Variants in TDRD15 observed in about 807,000 individuals in gnomAD.
The protein encoded by TDRD15 is tudor domain-containing protein 15.
For synonymous variants in TDRD15, 503 were observed against 314.5 expected (o/e 1.60, Z -6.34); for missense variants, 1,416 against 904.7 (o/e 1.57, Z -7.25).
In TDRD15 at chr2:21,139,962, T is replaced by A. The variant is rs1284516794; in HGVS notation, c.2495T>A (p.Phe832Tyr). 1.1e-5 allele frequency: 8 copies of A among 715,882 alleles called. No individual in the cohort carries two copies. In the East Asian group the frequency reaches 2.1e-4, roughly 19 times the overall value. 44.3% of individuals were successfully genotyped at this position (715,882 alleles called of 1,614,324 possible). A position where few individuals can be genotyped will look rare whatever the true frequency, so the allele number is the denominator to read the frequency against. ...TQVSKEVDIV[F>Y]VDYGYQKRVL... ...GTATCAAAAGAAGTTGACATAGTGTTTGTTGATTATGGTTACCAAAAAAGG... is the reference window on the plus strand; with the variant it reads ...GTATCAAAAGAAGTTGACATAGTGTATGTTGATTATGGTTACCAAAAAAGG... Residue 832 changes from phenylalanine to tyrosine, a missense_variant, in exon 4 of 4, where the codon TTT becomes TAT. Physicochemically the swap from Phe to Tyr is conservative, Grantham distance 22. Coordinates refer to ENST00000405799, the MANE Select transcript of TDRD15 (RefSeq NM_001306137.2).
rs1430661922 is a variant in TDRD15 at position 21,139,553 on chromosome 2, A to G, written c.2086A>G (p.Ile696Val). 1.4e-6 allele frequency: 1 copy of G among 706,254 alleles called. No individual in the cohort carries two copies. Among genetic ancestry groups the G allele is most frequent in the Non-Finnish European group, 2.6e-6 (1 of 381,806 alleles). The allele number at this position is 706,254 out of a possible 1,614,324, so 43.7% of individuals were successfully genotyped here. The stretch of plus-strand genomic sequence containing the variant: ...AAACAAAGTTAATATTAAAAAAGTC[A>G]TATCTGCCCTTCTTGAAGGACCTAA... The part of the protein sequence containing the change: ...SKNKVNIKKV[I>V]SALLEGPKSK... Residue 696 changes from isoleucine to valine, a missense_variant, in exon 4 of 4, where the codon ATA becomes GTA. Ile to Val is a conservative substitution (Grantham distance 29). Coordinates refer to ENST00000405799, the MANE Select transcript of TDRD15 (RefSeq NM_001306137.2).
chr2:21,139,860 A>G lies in TDRD15; in HGVS notation c.2393A>G (p.Asp798Gly), dbSNP rs1202536833. The G allele has an allele frequency of 1.4e-6, 1 of 715,888 alleles. No individual in the cohort carries two copies. The highest frequency in any genetic ancestry group is 2.7e-5 in the East Asian group (1 of 37,248). 44.3% of individuals were successfully genotyped at this position (715,888 alleles called of 1,614,324 possible). ...QIQNYYSIHS[D>G]PYEIGQTACV... The stretch of plus-strand genomic sequence containing the variant: ...CAGAATTACTATAGTATTCATTCTG[A>G]TCCTTATGAGATTGGGCAGACTGCT... The change falls in exon 4 of 4, where the codon GAT becomes GGT. Residue 798 changes from aspartate to glycine, a missense_variant. By Grantham distance (94) the Asp-to-Gly change is moderately conservative. Coordinates refer to ENST00000405799, the MANE Select transcript of TDRD15 (RefSeq NM_001306137.2).
At chr2:21,135,465 C>T (rs1183878165) in intron 3 of TDRD15, among the ~76,000 whole-genome samples, 1 of 151,774 alleles carries the variant, frequency 6.6e-6, no homozygotes, top group Non-Finnish European at 1.5e-5. Context: ...CTAAAATTTT[C>T]CTATGTGCCA....
Position 21,141,081 on chromosome 2 carries a change from A to G in TDRD15, c.3614A>G (p.His1205Arg), listed in dbSNP as rs1396270543. The change falls in exon 4 of 4, where the codon CAT becomes CGT. Residue 1205 changes from histidine to arginine, a missense_variant. By Grantham distance (29) the His-to-Arg change is conservative. Transcript: ENST00000405799. ...IDQLMHPKNIHARFLKPSVCY... is the reference protein window; with the variant it reads ...IDQLMHPKNIRARFLKPSVCY... ...CAATTGATGCATCCCAAAAATATACATGCCAGGTTTTTGAAGCCATCAGTT... is the reference window on the plus strand; with the variant it reads ...CAATTGATGCATCCCAAAAATATACGTGCCAGGTTTTTGAAGCCATCAGTT... 1 of 704,690 alleles carries G rather than the reference A, an allele frequency of 1.4e-6. No homozygotes were observed. Among genetic ancestry groups the G allele is most frequent in the Non-Finnish European group, 2.6e-6 (1 of 381,292 alleles). 43.7% of individuals were successfully genotyped at this position (704,690 alleles called of 1,614,324 possible).
chr2:21,130,784 A>C (rs1203358823), intron 2 of TDRD15, among the ~76,000 whole-genome samples: 1 of 152,212 alleles, frequency 6.6e-6, no homozygotes, highest in East Asian at 1.9e-4. Flanking sequence ...GCACCAAACT[A>C]TTGGTAGTCA....
At chr2:21,127,493 T>G (rs1297396941) in intron 1 of TDRD15, 108 bp from the exon 2 acceptor site, 1 of 152,206 alleles carries the variant, frequency 6.6e-6, no homozygotes, top group East Asian at 1.9e-4. Context: ...ATATGGTCAG[T>G]TTTTTTCCCT....
intron 1 of TDRD15, among the ~76,000 whole-genome samples, chr2:21,125,576 G>A (rs1437985594): frequency 6.6e-6 from 1 of 151,884 alleles, no homozygotes; most frequent in Admixed American, 6.6e-5. Context: ...GTGTTTTTCC[G>A]AAGAAATTTA....
rs769065206 is a variant in TDRD15 at position 21,141,390 on chromosome 2, C to T, written c.3923C>T (p.Ala1308Val). The T allele has an allele frequency of 2.0e-5, 14 of 712,960 alleles. No homozygotes were observed. Among genetic ancestry groups the T allele is most frequent in the South Asian group, 1.2e-4 (8 of 66,752 alleles). The allele number at this position is 712,960 out of a possible 1,614,324, so 44.2% of individuals were successfully genotyped here. Reference protein sequence around the residue: ...KGYVSNISNPANFHIQLAENE... With the variant: ...KGYVSNISNPVNFHIQLAENE... ...TATGTATCTAATATCAGTAATCCAGCGAATTTCCATATTCAGCTTGCTGAG... is the reference window on the plus strand; with the variant it reads ...TATGTATCTAATATCAGTAATCCAGTGAATTTCCATATTCAGCTTGCTGAG... Residue 1308 changes from alanine (A) to valine (V), a missense_variant, in exon 4 of 4, where the codon GCG becomes GTG. Coordinates refer to ENST00000405799, the MANE Select transcript of TDRD15 (RefSeq NM_001306137.2).
At chr2:21,146,354 G>C (rs1262547749), downstream of TDRD15, among the ~76,000 whole-genome samples, 1 of 152,010 alleles carries the variant, frequency 6.6e-6, no homozygotes, top group Non-Finnish European at 1.5e-5. Context: ...TTTACATTTA[G>C]AAAATTGGCT....
At position 21,139,948 on chromosome 2, in the gene TDRD15, A is replaced by T. The variant is rs1013225527; in HGVS notation, c.2481A>T (p.Glu827Asp). 1 of 716,054 alleles carries T rather than the reference A, an allele frequency of 1.4e-6. No homozygotes were observed. Among genetic ancestry groups the T allele is most frequent in the Non-Finnish European group, 2.6e-6 (1 of 384,106 alleles). The allele number at this position is 716,054 out of a possible 1,614,324, so 44.4% of individuals were successfully genotyped here. Reference sequence around the variant, plus strand: ...CTGTTTTGACTCAAGTATCAAAAGAAGTTGACATAGTGTTTGTTGATTATG... The same window carrying T: ...CTGTTTTGACTCAAGTATCAAAAGATGTTGACATAGTGTTTGTTGATTATG... ...RAAVLTQVSK[E>D]VDIVFVDYGY... The change falls in exon 4 of 4, where the codon GAA becomes GAT. Residue 827 changes from glutamate (E) to aspartate (D), a missense_variant. Physicochemically the swap from Glu to Asp is conservative, Grantham distance 45 (BLOSUM62 2). Coordinates refer to ENST00000405799, the MANE Select transcript of TDRD15 (RefSeq NM_001306137.2).
At position 21,142,937 on chromosome 2, in the gene TDRD15, C is replaced by G. The variant is rs551554757; in HGVS notation, c.5470C>G (p.Arg1824Gly). 2 of 698,986 alleles carry G rather than the reference C, an allele frequency of 2.9e-6. No individual in the cohort carries two copies. Among genetic ancestry groups the G allele is most frequent in the South Asian group, 3.2e-5 (2 of 63,292 alleles). 43.3% of individuals were successfully genotyped at this position (698,986 alleles called of 1,614,324 possible). A position where few individuals can be genotyped will look rare whatever the true frequency, so the allele number is the denominator to read the frequency against. The stretch of plus-strand genomic sequence containing the variant: ...TGACTATGGATTTTCTTTTTATATA[C>G]GTTATTCAGAAATTATAAATCTTAA... ...LVDYGFSFYI[R>G]YSEIINLKVV... The change falls in exon 4 of 4, where the codon CGT becomes GGT. Residue 1824 changes from arginine (R) to glycine (G), a missense_variant. Physicochemically the swap from Arg to Gly is moderately radical, Grantham distance 125. Coordinates refer to ENST00000405799, the MANE Select transcript of TDRD15 (RefSeq NM_001306137.2).
chr2:21,140,778 G>A lies in TDRD15; in HGVS notation c.3311G>A (p.Gly1104Glu). 1 of 715,176 alleles carries A rather than the reference G, an allele frequency of 1.4e-6. No individual in the cohort carries two copies. The highest frequency in any genetic ancestry group is 2.6e-6 in the Non-Finnish European group (1 of 383,586). 44.3% of individuals were successfully genotyped at this position (715,176 alleles called of 1,614,324 possible). A position where few individuals can be genotyped will look rare whatever the true frequency, so the allele number is the denominator to read the frequency against. ...ISSWFKDNFLGRSLKAIILSQ... is the reference protein window; with the variant it reads ...ISSWFKDNFLERSLKAIILSQ... ...AGTTGGTTTAAAGACAATTTCTTGGGAAGATCATTAAAGGCGATAATATTG... is the reference window on the plus strand; with the variant it reads ...AGTTGGTTTAAAGACAATTTCTTGGAAAGATCATTAAAGGCGATAATATTG... The change falls in exon 4 of 4, where the codon GGA (glycine) becomes GAA (glutamate). Residue 1104 changes from glycine (G) to glutamate (E), a missense_variant. Coordinates refer to ENST00000405799, the MANE Select transcript of TDRD15 (RefSeq NM_001306137.2).
In TDRD15 at chr2:21,143,972, A is replaced by G. The variant is rs1208681897; in HGVS notation, c.*700A>G. 1.3e-5 allele frequency among the ~76,000 whole-genome samples: 2 copies of G among 151,380 alleles called. No individual in the cohort carries two copies. The highest frequency in any genetic ancestry group is 3.0e-5 in the Non-Finnish European group (2 of 67,628). On this transcript the variant is annotated 3_prime_UTR_variant, in exon 4 of 4. Coordinates refer to ENST00000405799, the MANE Select transcript of TDRD15 (RefSeq NM_001306137.2). ...CAAATAATTTCAAGGGTTTCATAAA[A>G]CTCCTAAATGTCTGTAGATCTCATG...
rs1426607881 is a variant in TDRD15 at position 21,137,528 on chromosome 2, A to G, written c.61A>G (p.Lys21Glu). Residue 21 changes from lysine to glutamate, a missense_variant, in exon 4 of 4, where the codon AAA becomes GAA. Lys to Glu is a moderately conservative substitution (Grantham distance 56). Transcript: ENST00000405799. Reference sequence around the variant, plus strand: ...TGTGGATCTGACAATATCACATATTAAATGTCTTCCCAAGGATATTCTGGT... The same window carrying G: ...TGTGGATCTGACAATATCACATATTGAATGTCTTCCCAAGGATATTCTGGT... The part of the protein sequence containing the change: ...LDVDLTISHI[K>E]CLPKDILVKF... 7.1e-6 allele frequency: 5 copies of G among 705,248 alleles called. No homozygotes were observed. The highest frequency in any genetic ancestry group is 2.1e-5 in the Admixed American group (1 of 47,010). The allele number at this position is 705,248 out of a possible 1,614,324, so 43.7% of individuals were successfully genotyped here. A position where few individuals can be genotyped will look rare whatever the true frequency, so the allele number is the denominator to read the frequency against.
At position 21,137,648 on chromosome 2, in the gene TDRD15, G is replaced by A. The variant is rs1446294164; in HGVS notation, c.181G>A (p.Glu61Lys). Residue 61 changes from glutamate (E) to lysine (K), a missense_variant, in exon 4 of 4, where the codon GAA (glutamate) becomes AAA (lysine). By Grantham distance (56) the Glu-to-Lys change is moderately conservative. Coordinates refer to ENST00000405799, the MANE Select transcript of TDRD15 (RefSeq NM_001306137.2). ...TACTCCAAAAGTGAAAAATAATGTG[G>A]AAATTGATGAATTTTGTTTGGTGGA... ...QHTPKVKNNV[E>K]IDEFCLVEER... 1 of 713,038 alleles carries A rather than the reference G, an allele frequency of 1.4e-6. No individual in the cohort carries two copies. Among genetic ancestry groups the A allele is most frequent in the African/African-American group, 1.8e-5 (1 of 56,970 alleles). 44.2% of individuals were successfully genotyped at this position (713,038 alleles called of 1,614,324 possible). A position where few individuals can be genotyped will look rare whatever the true frequency, so the allele number is the denominator to read the frequency against.
rs931698690 is a variant in TDRD15, at chr2:21,143,047, T to C, written c.5580T>C (p.His1860=). The change falls in exon 4 of 4, where the codon CAT becomes CAC. Residue 1860 remains histidine (H), a synonymous_variant. Transcript: ENST00000405799. ...GTATCTTACCTGCTAAAGGAAAACA[T>C]TGGAGTGAAGAAGCCAAAATCTTTT... ...LYGILPAKGK[H]WSEEAKIFFR... The C allele has an allele frequency of 2.3e-5, 16 of 691,152 alleles. No homozygotes were observed. Among genetic ancestry groups the C allele is most frequent in the African/African-American group, 1.8e-4 (10 of 55,588 alleles). The allele number at this position is 691,152 out of a possible 1,614,324, so 42.8% of individuals were successfully genotyped here. A position where few individuals can be genotyped will look rare whatever the true frequency, so the allele number is the denominator to read the frequency against.
downstream of TDRD15, among the ~76,000 whole-genome samples, chr2:21,144,957 A>G (rs1427471587): frequency 6.6e-6 from 1 of 151,940 alleles, no homozygotes; most frequent in Non-Finnish European, 1.5e-5. Context: ...AAACAGCCTG[A>G]GGCAGTTCTC....
rs145505794 is a variant in TDRD15 at position 21,138,039 on chromosome 2, G to T, written c.572G>T (p.Arg191Leu). The T allele has an allele frequency of 1.4e-6, 1 of 715,954 alleles. No individual in the cohort carries two copies. The highest frequency in any genetic ancestry group is 1.8e-5 in the African/African-American group (1 of 57,086). 44.4% of individuals were successfully genotyped at this position (715,954 alleles called of 1,614,324 possible). Residue 191 changes from arginine to leucine, a missense_variant, in exon 4 of 4, where the codon CGT (arginine) becomes CTT (leucine). Transcript: ENST00000405799. ...AGACTTGTTGATGGAGATTCATTTC[G>T]TCTTATTGTGGAAATGTTAGAAGAA... ...LGRLVDGDSF[R>L]LIVEMLEEFP...
chr2:21,135,461 T>A (rs1282371010), intron 3 of TDRD15, among the ~76,000 whole-genome samples: 1 of 151,906 alleles, frequency 6.6e-6, no homozygotes, highest in East Asian at 1.9e-4. Context: ...GGACCTAAAA[T>A]TTTCCTATGT....
Sources: allele counts gnomAD v4.1 joint callset (sites outside exome capture counted in the v4.1 genomes callset), GRCh38; gene constraint gnomAD v4.1.1; transcripts MANE v1.5; gene names NCBI Gene and HGNC (gene_info 2026-07-23, HGNC 2026-07-21).